CAPRIN2: variants seen among roughly 807,000 people sequenced by gnomAD.
CAPRIN2 encodes caprin family member 2.
CAPRIN2 carries 66 observed loss-of-function variants against 130.4 expected under a neutral mutation model. The ratio of observed to expected loss-of-function variants is 0.51; its 90% CI spans 0.42 to 0.62. CAPRIN2 has a LOEUF of 0.62. Among genes scored for constraint, CAPRIN2 ranks in the 20% least tolerant of loss-of-function variants. The pLI is 0.00. For missense variants in CAPRIN2, 1,185 were observed against 1,246.6 expected (o/e 0.95, Z 0.74); for synonymous variants, 471 against 444.1 (o/e 1.06, Z -0.76).
chr12:30,747,236 A>C (rs2070988406), intron 2 of CAPRIN2, among the ~76,000 whole-genome samples: 1 of 152,230 alleles, frequency 6.6e-6, no homozygotes, highest in African/African-American at 2.4e-5. Context: ...GATTTCTTTC[A>C]AAATATTAAT....
intron 2 of CAPRIN2, among the ~76,000 whole-genome samples, chr12:30,750,535 CTT>C (rs80349176): frequency 4.2e-5 from 6 of 143,758 alleles, no homozygotes; most frequent in Non-Finnish European, 1.5e-5. Context: ...TTATAGTAAG[CTT>C]TTTTTTTTTT....
At chr12:30,734,867 C>T in intron 4 of CAPRIN2, 101 bp downstream of exon 5, 5 of 741,180 alleles carry the variant, frequency 6.7e-6, no homozygotes, top group Non-Finnish European at 1.2e-5. Context: ...CACACACACA[C>T]ACACACACAC....
intron 2 of CAPRIN2, among the ~76,000 whole-genome samples, chr12:30,745,382 A>G (rs993507395): frequency 3.9e-5 from 6 of 152,196 alleles, no homozygotes; most frequent in Non-Finnish European, 1.5e-5. Context: ...TCCACAAACA[A>G]CTTCATTAGA....
At chr12:30,730,162 G>T in intron 7 of CAPRIN2, 77 bp downstream of exon 8, 1 of 1,222,336 alleles carries the variant, frequency 8.2e-7, no homozygotes, top group South Asian at 1.3e-5. Flanking sequence ...TCTGGCTCCA[G>T]AGCCTTAGCT....
rs1349791620 is a variant in CAPRIN2, at chr12:30,726,165, A to T, written c.1783-77T>A. ...AATCTAGGAAACAGTTTATCACTACATCTTAAAGGAAAAGAAAAAACAGCA... is the reference window on the plus strand; with the variant it reads ...AATCTAGGAAACAGTTTATCACTACTTCTTAAAGGAAAAGAAAAAACAGCA... On this transcript the variant is annotated intron_variant, in intron 8 of 16. Transcript: ENST00000298892. 4.2e-6 allele frequency: 5 copies of T among 1,199,838 alleles called. No individual in the cohort carries two copies. The African/African-American group carries it at 6.2e-5, about 15-fold the overall frequency. 74.3% of individuals were successfully genotyped at this position (1,199,838 alleles called of 1,614,324 possible).
At chr12:30,716,748 A>C in intron 12 of CAPRIN2, 72 bp from the exon 15 acceptor site, 1 of 1,387,888 alleles carries the variant, frequency 7.2e-7, no homozygotes, top group East Asian at 2.3e-5. Flanking sequence ...TATCCAGCAA[A>C]ATTGTACATT....
intron 3 of CAPRIN2, among the ~76,000 whole-genome samples, chr12:30,737,849 G>A (rs559306345): frequency 5.7e-4 from 86 of 151,982 alleles, no homozygotes; most frequent in Middle Eastern, 3.4e-3. Flanking sequence ...CGCCCGCCTC[G>A]GCCTCCCAAA....
exon 17 of CAPRIN2, chr12:30,709,850 C>T: frequency 6.5e-7 from 1 of 1,535,944 alleles, no homozygotes; most frequent in Non-Finnish European, 8.8e-7. Flanking sequence ...ACTTTTCCTT[C>T]AATCCCACTA....
chr12:30,740,252 G>A (rs768352964), intron 3 of CAPRIN2, among the ~76,000 whole-genome samples: 1 of 151,914 alleles, frequency 6.6e-6, no homozygotes, highest in Admixed American at 6.6e-5. Flanking sequence ...CTGGGTGAGA[G>A]AGCGAGACCT....
chr12:30,748,064 G>C (rs2071604897), intron 2 of CAPRIN2, among the ~76,000 whole-genome samples: 1 of 152,226 alleles, frequency 6.6e-6, no homozygotes, highest in African/African-American at 2.4e-5. Flanking sequence ...GTGATTTCTT[G>C]AGATAGACTC....
intron 7 of CAPRIN2, among the ~76,000 whole-genome samples, chr12:30,729,941 T>C (rs1592112589): frequency 6.6e-6 from 1 of 152,154 alleles, no homozygotes; most frequent in African/African-American, 2.4e-5. Context: ...GAGCCAAAAA[T>C]AGCTATCATT....
At chr12:30,731,616 T>C in intron 5 of CAPRIN2, 106 bp from the exon 7 acceptor site, 1 of 831,978 alleles carries the variant, frequency 1.2e-6, no homozygotes, top group South Asian at 1.7e-5. Context: ...TACAATAGTT[T>C]ACATTGATGT....
intron 12 of CAPRIN2, 121 bp downstream of exon 14, chr12:30,718,958 C>A: frequency 8.9e-7 from 1 of 1,123,868 alleles, no homozygotes; most frequent in Non-Finnish European, 1.3e-6. Flanking sequence ...ATAATTCTAC[C>A]AACCCAAATA....
At chr12:30,749,365 C>G (rs922564145) in intron 2 of CAPRIN2, among the ~76,000 whole-genome samples, 35 of 152,176 alleles carry the variant, frequency 2.3e-4, no homozygotes, top group Non-Finnish European at 4.4e-5. Context: ...AGAGGAATAA[C>G]CATCTTGACT....
intron 14 of CAPRIN2, among the ~76,000 whole-genome samples, chr12:30,714,506 A>G (rs1436360058): frequency 2.0e-5 from 3 of 152,214 alleles, no homozygotes; most frequent in Non-Finnish European, 4.4e-5. Flanking sequence ...TTTGTTAATA[A>G]TAAGTAGTGA....
chr12:30,710,433 T>C lies in CAPRIN2; in HGVS notation c.2703A>G (p.Glu901=), dbSNP rs767335762. 1 of 1,614,146 alleles carries C rather than the reference T, an allele frequency of 6.2e-7. No individual in the cohort carries two copies. Among genetic ancestry groups the C allele is most frequent in the African/African-American group, 1.3e-5 (1 of 75,038 alleles). ...CACTGTTAAAGGTTTCGTTGTCTCT[T>C]TCTGGGCTGCTCACCTGAGAAGAAT... The change falls in exon 17 of 17, where the codon GAA becomes GAG. Residue 901 remains glutamate (E), a synonymous_variant. Coordinates refer to ENST00000298892, the Ensembl canonical transcript of CAPRIN2. The surrounding 1 kb of genome is among the most constrained non-coding windows in gnomAD (Gnocchi z 4.8).
At chr12:30,738,211 G>A (rs2065771521) in intron 3 of CAPRIN2, among the ~76,000 whole-genome samples, 1 of 151,532 alleles carries the variant, frequency 6.6e-6, no homozygotes, top group African/African-American at 2.4e-5. Flanking sequence ...CACCTAAAAT[G>A]AAAGTAAATC....
At chr12:30,736,144 A>T (rs926386782) in intron 3 of CAPRIN2, among the ~76,000 whole-genome samples, 3 of 151,578 alleles carry the variant, frequency 2.0e-5, no homozygotes. Flanking sequence ...CTGTCCCAAA[A>T]AAAAAAAAAA....
At position 30,733,569 on chromosome 12, in the gene CAPRIN2, T is replaced by C. The variant is rs1257462643; in HGVS notation, c.892+60A>G. 6 of 1,151,702 alleles carry C rather than the reference T, an allele frequency of 5.2e-6. No individual in the cohort carries two copies. In the African/African-American group the frequency reaches 9.1e-5, roughly 17 times the overall value. The allele number at this position is 1,151,702 out of a possible 1,614,324, so 71.3% of individuals were successfully genotyped here. ...ACAGTTTAGACCCTCAATATCATAC[T>C]AAACTTCTAGACATAAAGTTTAGTA... On this transcript the variant is annotated intron_variant, in intron 5 of 16. Transcript: ENST00000298892.
Sources: gnomAD v4.1 joint callset for allele counts (sites outside exome capture counted in the v4.1 genomes callset) on GRCh38, gnomAD v4.1.1 for gene constraint, Gnocchi (gnomAD v3.1) non-coding constraint, MANE v1.5 for transcripts, NCBI Gene and HGNC (gene_info 2026-07-23, HGNC 2026-07-21) for gene names.